PLCH1: variants seen among roughly 807,000 people sequenced by gnomAD.
PLCH1 encodes the protein phospholipase C eta 1, also known as 1-phosphatidylinositol 4,5-bisphosphate phosphodiesterase eta-1.
In PLCH1, 60 loss-of-function variants were observed where a neutral mutation model predicts 126.7. The observed-to-expected ratio is 0.47, with a 90% CI of 0.38 to 0.59. PLCH1 has a LOEUF of 0.59. Among genes scored for constraint, PLCH1 ranks in the 20% least tolerant of loss-of-function variants. The pLI, the probability that PLCH1 is intolerant of heterozygous loss-of-function variation, is 0.00. For synonymous variants in PLCH1, 719 were observed against 734.9 expected (o/e 0.98, Z 0.35); for missense variants, 1,723 against 2,040.0 (o/e 0.84, Z 2.99).
intron 2 of PLCH1, among the ~76,000 whole-genome samples, chr3:155,680,441 T>C (rs1398361890): frequency 2.0e-5 from 3 of 152,100 alleles, no homozygotes; most frequent in African/African-American, 7.2e-5. Flanking sequence ...TTCACAGTTT[T>C]CATCACAAAA....
chr3:155,634,875 C>A (rs1387318629), intron 2 of PLCH1, among the ~76,000 whole-genome samples: 1 of 152,162 alleles, frequency 6.6e-6, no homozygotes, highest in Admixed American at 6.5e-5. Context: ...CTATACTATT[C>A]TTTGACTTGG....
chr3:155,638,571 T>C (rs1159198218), intron 2 of PLCH1, among the ~76,000 whole-genome samples: 1 of 152,240 alleles, frequency 6.6e-6, no homozygotes, highest in Admixed American at 6.5e-5. Context: ...GGCTATGATT[T>C]TTCTGATTTT....
chr3:155,498,240 G>T (rs972836968), intron 14 of PLCH1, among the ~76,000 whole-genome samples: 1 of 152,210 alleles, frequency 6.6e-6, no homozygotes, highest in Admixed American at 6.5e-5. Flanking sequence ...TGCGGGAGTA[G>T]TAATGCTGGC....
At chr3:155,587,069 C>T (rs768405604) in intron 4 of PLCH1, among the ~76,000 whole-genome samples, 3 of 152,186 alleles carry the variant, frequency 2.0e-5, no homozygotes, top group Non-Finnish European at 4.4e-5. Context: ...CTCAGTTATG[C>T]TGCCATGTTC....
intron 19 of PLCH1, among the ~76,000 whole-genome samples, chr3:155,489,588 C>T (rs1715858091): frequency 6.6e-6 from 1 of 152,138 alleles, no homozygotes; most frequent in African/African-American, 2.4e-5. Flanking sequence ...TTCCCAGTAG[C>T]TTCTCACGAA....
chr3:155,568,997 T>A (rs549065642), intron 6 of PLCH1, among the ~76,000 whole-genome samples: 4 of 152,262 alleles, frequency 2.6e-5, no homozygotes, highest in Admixed American at 1.3e-4. Flanking sequence ...TACCTGATAG[T>A]GGAGTGATAA....
intron 2 of PLCH1, among the ~76,000 whole-genome samples, chr3:155,672,484 C>T (rs867198860): frequency 5.3e-5 from 8 of 152,152 alleles, no homozygotes; most frequent in South Asian, 2.1e-4. Flanking sequence ...ACAGACCTTC[C>T]TGCCCTAATG....
intron 15 of PLCH1, among the ~76,000 whole-genome samples, chr3:155,495,421 C>A (rs1048706800): frequency 3.9e-5 from 6 of 152,158 alleles, no homozygotes; most frequent in Non-Finnish European, 8.8e-5. Flanking sequence ...AGAACCCATA[C>A]CCTATCCCCA....
intron 21 of PLCH1, among the ~76,000 whole-genome samples, chr3:155,458,345 A>G: frequency 7.5e-6 from 1 of 133,994 alleles, no homozygotes; most frequent in South Asian, 2.2e-4. Context: ...CCATGTCAAA[A>G]AAAAAAAAAA....
intron 1 of PLCH1, among the ~76,000 whole-genome samples, chr3:155,716,984 G>T (rs900587277): frequency 6.6e-6 from 1 of 152,192 alleles, no homozygotes; most frequent in Non-Finnish European, 1.5e-5. Flanking sequence ...AAGTTACAGG[G>T]GTGGTACCAG....
intron 2 of PLCH1, among the ~76,000 whole-genome samples, chr3:155,610,529 T>C (rs1388428354): frequency 6.6e-6 from 1 of 152,072 alleles, no homozygotes; most frequent in Non-Finnish European, 1.5e-5. Flanking sequence ...GCAGAAACCC[T>C]ATAAGCTAGT....
intron 11 of PLCH1, among the ~76,000 whole-genome samples, chr3:155,523,069 G>C (rs1452876551): frequency 6.6e-6 from 1 of 152,076 alleles, no homozygotes. Context: ...CCGCCTCCCA[G>C]GTTCACGCCA....
chr3:155,477,834 T>G (rs565914612), downstream of PLCH1, among the ~76,000 whole-genome samples: 6 of 152,160 alleles, frequency 3.9e-5, no homozygotes, highest in Admixed American at 6.5e-5. Context: ...GGAGAACAGT[T>G]TGGAAGTGCC....
intron 2 of PLCH1, among the ~76,000 whole-genome samples, chr3:155,650,047 A>G (rs571830122): frequency 6.6e-6 from 1 of 152,188 alleles, no homozygotes; most frequent in South Asian, 2.1e-4. Context: ...GGCGTGAGGG[A>G]GGAGAGGGTC....
chr3:155,695,754 G>C (rs1159096362), intron 2 of PLCH1, among the ~76,000 whole-genome samples: 1 of 152,232 alleles, frequency 6.6e-6, no homozygotes, highest in African/African-American at 2.4e-5. Context: ...TCATAAAACA[G>C]GACCTGACCT....
chr3:155,571,131 C>T (rs1021227797), intron 6 of PLCH1, among the ~76,000 whole-genome samples: 1 of 152,156 alleles, frequency 6.6e-6, no homozygotes, highest in African/African-American at 2.4e-5. Flanking sequence ...AAAACTTTCC[C>T]TGTGAATGAA....
intron 1 of PLCH1, among the ~76,000 whole-genome samples, chr3:155,741,162 T>A (rs909738089): frequency 6.6e-6 from 1 of 152,198 alleles, no homozygotes; most frequent in Non-Finnish European, 1.5e-5. Context: ...CAGTACTGGA[T>A]TTCTCCTTAA....
At chr3:155,600,570 T>G (rs1733578202) in intron 2 of PLCH1, among the ~76,000 whole-genome samples, 1 of 150,232 alleles carries the variant, frequency 6.7e-6, no homozygotes, top group Non-Finnish European at 1.5e-5. Flanking sequence ...CCTTTAATTC[T>G]ACATTCTCCT....
chr3:155,455,974 A>G (rs1712432984), intron 21 of PLCH1, among the ~76,000 whole-genome samples: 1 of 152,188 alleles, frequency 6.6e-6, no homozygotes, highest in Admixed American at 6.5e-5. Context: ...ACGCCCATTC[A>G]TGAGCACAGG....
Sources: gnomAD v4.1 joint callset for allele counts (sites outside exome capture counted in the v4.1 genomes callset) on GRCh38, gnomAD v4.1.1 for gene constraint, MANE v1.5 for transcripts, NCBI Gene and HGNC (gene_info 2026-07-23, HGNC 2026-07-21) for gene names.